RAB2A: variants seen among roughly 807,000 people sequenced by gnomAD.
RAB2A encodes ras-related protein Rab-2A.
RAB2A carries 7 observed loss-of-function variants against 32.5 expected under a neutral mutation model. The ratio of observed to expected loss-of-function variants is 0.22; its 90% CI spans 0.12 to 0.40. The LOEUF is 0.40. RAB2A is among the 10% of genes least tolerant of loss of function. The pLI is 1.00. For synonymous variants in RAB2A, 79 were observed against 85.2 expected, an observed-to-expected ratio of 0.93 and a Z score of 0.40; for missense variants, 108 against 260.7, an observed-to-expected ratio of 0.41 and a Z score of 4.03.
At chr8:60,526,017 G>GCACACATATA (rs879271913) in intron 1 of RAB2A, among the ~76,000 whole-genome samples, 1 of 74,252 alleles carries the variant, frequency 1.3e-5, no homozygotes, top group Non-Finnish European at 2.6e-5. Context: ...ATGTGTGTGT[G>GCACACATATA]TACATATATA....
At chr8:60,516,974 C>A (rs949838517), upstream of RAB2A, 11 of 419,368 alleles carry the variant, frequency 2.6e-5, no homozygotes, top group Admixed American at 2.3e-4. Context: ...GCGGAGGCGC[C>A]GCGGCGGCTG....
intron 3 of RAB2A, among the ~76,000 whole-genome samples, chr8:60,580,065 C>A (rs562673011): frequency 6.7e-6 from 1 of 149,382 alleles, no homozygotes; most frequent in Admixed American, 6.7e-5. Flanking sequence ...GGCATGATCT[C>A]GGCTCATTGT....
upstream of RAB2A, chr8:60,516,960 C>G: frequency 2.5e-6 from 1 of 394,954 alleles, no homozygotes; most frequent in African/African-American, 2.1e-5. Context: ...GGCGCGGAGG[C>G]GGGGCGGAGG....
chr8:60,619,148 T>C (rs1015072522), intron 7 of RAB2A: 1 of 151,974 alleles, frequency 6.6e-6, no homozygotes, highest in Non-Finnish European at 1.5e-5. Flanking sequence ...CATATATATA[T>C]ATATAAAATT....
At chr8:60,523,692 A>AT (rs775682052) in intron 1 of RAB2A, among the ~76,000 whole-genome samples, 1,422 of 129,304 alleles carry the variant, frequency 0.011, 10 homozygotes, top group Middle Eastern at 0.024. Flanking sequence ...GTTAACCTTC[A>AT]TTTTTTTTTT....
At chr8:60,595,215 T>C (rs1480203322) in intron 6 of RAB2A, among the ~76,000 whole-genome samples, 5 of 152,242 alleles carry the variant, frequency 3.3e-5, no homozygotes, top group African/African-American at 1.2e-4. Flanking sequence ...TGATAGACTT[T>C]TTTCTTCAAG....
chr8:60,551,779 A>C (rs1807850817), intron 1 of RAB2A, among the ~76,000 whole-genome samples: 1 of 151,698 alleles, frequency 6.6e-6, no homozygotes, highest in South Asian at 2.1e-4. Flanking sequence ...CTGCAACCTC[A>C]AACTCCTAGG....
At position 60,621,181 on chromosome 8, in the gene RAB2A, A is replaced by G. The variant is rs985567496; in HGVS notation, c.*412A>G. ...AGAAACTTTGTCAATTTTCACGGCT[A>G]TAAGGAAACAGAAGGACTCTTTTAA... On this transcript the variant is annotated 3_prime_UTR_variant, in exon 8 of 8. Coordinates refer to ENST00000262646, the MANE Select transcript of RAB2A (RefSeq NM_002865.3). 6 of 158,224 alleles carry G rather than the reference A, an allele frequency of 3.8e-5. No individual in the cohort carries two copies. In the South Asian group the frequency reaches 7.6e-4, roughly 20 times the overall value. The allele number at this position is 158,224 out of a possible 1,614,324, so 9.8% of individuals were successfully genotyped here.
rs532122008 is a variant in RAB2A at position 60,596,557 on chromosome 8, G to A, written c.474+4588G>A. Among the ~76,000 whole-genome samples the A allele has an allele frequency of 5.3e-5, 8 of 152,264 alleles. No individual in the cohort carries two copies. The South Asian group carries it at 1.7e-3, about 32-fold the overall frequency. ...AACATATGAAAACTCATTATTACTG[G>A]TCATTAGAGAAATGCAAATCAAAAC... On this transcript the variant is annotated intron_variant, in intron 6 of 7. Coordinates refer to ENST00000262646, the MANE Select transcript of RAB2A (RefSeq NM_002865.3).
intron 1 of RAB2A, among the ~76,000 whole-genome samples, chr8:60,546,714 A>G (rs1807732663): frequency 6.6e-6 from 1 of 152,126 alleles, no homozygotes; most frequent in South Asian, 2.1e-4. Flanking sequence ...GTTGTGAAGT[A>G]TGTATTGTTC....
chr8:60,598,469 A>G (rs1191733491), intron 6 of RAB2A, among the ~76,000 whole-genome samples: 2 of 152,240 alleles, frequency 1.3e-5, no homozygotes, highest in African/African-American at 4.8e-5. Context: ...AATAGCCTTT[A>G]TAAATATATA....
At chr8:60,569,973 C>A (rs1490448739) in intron 2 of RAB2A, 4 of 456,040 alleles carry the variant, frequency 8.8e-6, no homozygotes, top group Non-Finnish European at 1.8e-5. Flanking sequence ...CATCTTGGAG[C>A]CCAGGAAGCA....
At chr8:60,527,979 A>G (rs1419758454) in intron 1 of RAB2A, among the ~76,000 whole-genome samples, 2 of 152,204 alleles carry the variant, frequency 1.3e-5, no homozygotes, top group African/African-American at 4.8e-5. Context: ...ACAGCTAGTA[A>G]CTGACCAATA....
intron 2 of RAB2A, among the ~76,000 whole-genome samples, chr8:60,560,662 A>T (rs1313997497): frequency 6.6e-6 from 1 of 152,178 alleles, no homozygotes; most frequent in Non-Finnish European, 1.5e-5. Context: ...ACCTGCATGC[A>T]GCCCAGGACA....
intron 6 of RAB2A, among the ~76,000 whole-genome samples, chr8:60,610,879 A>G (rs1804331895): frequency 1.3e-5 from 2 of 152,216 alleles, no homozygotes; most frequent in African/African-American, 2.4e-5. Context: ...ATCGCCATCT[A>G]CCAAGAGTTT....
intron 2 of RAB2A, chr8:60,559,323 G>C (rs1192255734): frequency 1.7e-5 from 3 of 177,032 alleles, no homozygotes; most frequent in Middle Eastern, 2.6e-3. Context: ...TTCAATGAGA[G>C]TAGTAGTACC....
At chr8:60,561,334 T>C (rs751041345) in intron 2 of RAB2A, among the ~76,000 whole-genome samples, 8 of 152,232 alleles carry the variant, frequency 5.3e-5, no homozygotes, top group Non-Finnish European at 8.8e-5. Flanking sequence ...TTACAGTTGG[T>C]TGTAAATGAC....
rs570207853 is a variant in RAB2A at position 60,564,243 on chromosome 8, CCACTG to C, written c.118+5323_118+5327del. ...AGAAGAGGATTTTCACAGGTTTCCA[CCACTG>C]CATTGACCCACCTACCTGCATTGTG... On this transcript the variant is annotated intron_variant, in intron 2 of 7. Transcript: ENST00000262646. 1.8e-4 allele frequency among the ~76,000 whole-genome samples: 28 copies of C among 152,312 alleles called. 1 individual carries two copies. In the East Asian group the frequency reaches 5.2e-3, roughly 28 times the overall value.
intron 1 of RAB2A, among the ~76,000 whole-genome samples, chr8:60,548,738 T>A (rs1282377085): frequency 1.5e-5 from 2 of 129,904 alleles, no homozygotes; most frequent in South Asian, 2.7e-4. Context: ...ACCCCTCACC[T>A]GCCGGATGGG....
Sources: gnomAD v4.1 joint callset for allele counts (sites outside exome capture counted in the v4.1 genomes callset) on GRCh38, gnomAD v4.1.1 for gene constraint, MANE v1.5 for transcripts, NCBI Gene and HGNC (gene_info 2026-07-23, HGNC 2026-07-21) for gene names.